Variants in CAMK2D observed in about 807,000 individuals in gnomAD.
CAMK2D encodes calcium/calmodulin-dependent protein kinase type II subunit delta.
In CAMK2D, 37 loss-of-function variants were observed where a neutral mutation model predicts 84.0. The observed-to-expected ratio is 0.44, with a 90% CI of 0.34 to 0.58. The LOEUF is 0.58. Ranked by LOEUF, CAMK2D falls within the 20% of genes least tolerant of loss-of-function variation. The pLI, the probability that CAMK2D is intolerant of heterozygous loss-of-function variation, is 0.02. For missense variants in CAMK2D, 448 were observed against 652.5 expected (o/e 0.69, Z 3.41); for synonymous variants, 202 against 212.5 (o/e 0.95, Z 0.43).
At chr4:113,621,229 T>A (rs1254859445) in intron 3 of CAMK2D, among the ~76,000 whole-genome samples, 2 of 151,598 alleles carry the variant, frequency 1.3e-5, no homozygotes, top group African/African-American at 4.9e-5. Context: ...ATTCACTCAT[T>A]ATATAAAGAT....
At chr4:113,594,197 G>A (rs911565758) in intron 4 of CAMK2D, among the ~76,000 whole-genome samples, 1 of 152,146 alleles carries the variant, frequency 6.6e-6, no homozygotes, top group Non-Finnish European at 1.5e-5. Context: ...TCCTTATCAC[G>A]AGGACAGTAC....
At chr4:113,688,910 C>CAAAAAAAAAAAAAAAAAAAAAAAAAAA (rs34196728) in intron 2 of CAMK2D, among the ~76,000 whole-genome samples, 1 of 49,722 alleles carries the variant, frequency 2.0e-5, no homozygotes, top group African/African-American at 7.6e-5. Context: ...AAAGAAGATG[C>CAAAAAAAAAAAAAAAAAAAAAAAAAAA]AAAAAAAAAA....
intron 16 of CAMK2D, among the ~76,000 whole-genome samples, chr4:113,478,839 A>T (rs559625046): frequency 4.6e-5 from 7 of 152,268 alleles, no homozygotes; most frequent in African/African-American, 1.4e-4. Flanking sequence ...CCTAATTCAA[A>T]TTGTACAATT....
chr4:113,462,314 G>GTCTA (rs1589695300), intron 17 of CAMK2D, among the ~76,000 whole-genome samples: 6 of 105,472 alleles, frequency 5.7e-5, no homozygotes, highest in East Asian at 2.2e-4. Flanking sequence ...CTGTCTGTCT[G>GTCTA]TCTGTCTGTC....
chr4:113,508,140 C>A, intron 13 of CAMK2D: 2 of 841,658 alleles, frequency 2.4e-6, no homozygotes, highest in Non-Finnish European at 2.0e-6. Context: ...TGGTCCTACA[C>A]CCTCTCCACT....
intron 4 of CAMK2D, among the ~76,000 whole-genome samples, chr4:113,599,783 T>C (rs1363255680): frequency 6.6e-6 from 1 of 151,884 alleles, no homozygotes; most frequent in Non-Finnish European, 1.5e-5. Context: ...ACTAAGAAAA[T>C]CCTAAGGAAG....
rs115203826 is a variant in CAMK2D at position 113,679,357 on chromosome 4, T to C, written c.161-17585A>G. ...ACACGTATGTCAAAATTTAGACTCT[T>C]ATCCTCTTCTCTACTAACACATGCG... On this transcript the variant is annotated intron_variant, in intron 2 of 20. Transcript: ENST00000511664. The C allele has an allele frequency of 2.8e-3, 1,386 of 494,580 alleles. 15 individuals are homozygous for C. The highest frequency in any genetic ancestry group is 0.028 in the African/African-American group (1,327 of 47,854). The allele number at this position is 494,580 out of a possible 1,614,324, so 30.6% of individuals were successfully genotyped here.
rs145397687 is a variant in CAMK2D at position 113,704,297 on chromosome 4, C to T, written c.161-42525G>A. Reference sequence around the variant, plus strand: ...TAATCTGCAATTTTTTTTCCTTGTGCCTACTGAAATGTCATTATTATAAGC... The same window carrying T: ...TAATCTGCAATTTTTTTTCCTTGTGTCTACTGAAATGTCATTATTATAAGC... On this transcript the variant is annotated intron_variant, in intron 2 of 20. Transcript: ENST00000511664. Among the ~76,000 whole-genome samples the T allele has an allele frequency of 7.5e-3, 1,142 of 151,876 alleles. 15 individuals are homozygous for T. The highest frequency in any genetic ancestry group is 0.026 in the African/African-American group (1,066 of 41,440).
intron 2 of CAMK2D, among the ~76,000 whole-genome samples, chr4:113,738,528 A>G (rs2099586248): frequency 6.6e-6 from 1 of 152,138 alleles, no homozygotes; most frequent in African/African-American, 2.4e-5. Flanking sequence ...GTGAATGCAA[A>G]AAAATATTTT....
intron 8 of CAMK2D, among the ~76,000 whole-genome samples, chr4:113,518,997 G>T (rs1467492905): frequency 2.6e-5 from 4 of 151,782 alleles, no homozygotes; most frequent in Non-Finnish European, 5.9e-5. Context: ...CAGTATATTG[G>T]TACCTCACCT....
At chr4:113,505,893 A>G (rs2098121842) in intron 13 of CAMK2D, among the ~76,000 whole-genome samples, 2 of 152,152 alleles carry the variant, frequency 1.3e-5, no homozygotes, top group Admixed American at 1.3e-4. Context: ...AGAAACTACA[A>G]CTGAGTCGGG....
chr4:113,692,779 C>G (rs533378524), intron 2 of CAMK2D, among the ~76,000 whole-genome samples: 2 of 151,048 alleles, frequency 1.3e-5, no homozygotes, highest in South Asian at 4.2e-4. Flanking sequence ...GTGTATATAT[C>G]TGTGTGTGTG....
chr4:113,488,155 T>C (rs915356542), intron 16 of CAMK2D, among the ~76,000 whole-genome samples: 1 of 152,086 alleles, frequency 6.6e-6, no homozygotes, highest in African/African-American at 2.4e-5. Context: ...ATTTAGTAGC[T>C]TATTAAATTG....
intron 3 of CAMK2D, among the ~76,000 whole-genome samples, chr4:113,613,961 T>C (rs2154270157): frequency 6.6e-6 from 1 of 151,712 alleles, no homozygotes; most frequent in East Asian, 1.9e-4. Context: ...AGTAGGAAAA[T>C]TAAACTCCAA....
intron 3 of CAMK2D, among the ~76,000 whole-genome samples, chr4:113,625,958 G>A (rs975601849): frequency 2.6e-5 from 4 of 151,616 alleles, no homozygotes; most frequent in Non-Finnish European, 5.9e-5. Context: ...AGGTTGTAGT[G>A]AGCCAAGATT....
chr4:113,559,647 G>T (rs1395165373), intron 4 of CAMK2D, among the ~76,000 whole-genome samples: 5 of 152,230 alleles, frequency 3.3e-5, no homozygotes, highest in African/African-American at 1.2e-4. Flanking sequence ...CAAGGCAACT[G>T]CCTTTGACTG....
At chr4:113,572,449 A>G (rs551559685) in intron 4 of CAMK2D, among the ~76,000 whole-genome samples, 3 of 147,032 alleles carry the variant, frequency 2.0e-5, no homozygotes, top group East Asian at 2.0e-4. Flanking sequence ...ATTTTTATTT[A>G]AAAAAAAAAA....
intron 4 of CAMK2D, among the ~76,000 whole-genome samples, chr4:113,562,005 C>T (rs145915828): frequency 1.3e-5 from 2 of 152,184 alleles, no homozygotes; most frequent in African/African-American, 4.8e-5. Flanking sequence ...AGCATACACG[C>T]CCACTTAGTA....
intron 2 of CAMK2D, among the ~76,000 whole-genome samples, chr4:113,663,716 AT>A: frequency 6.6e-6 from 1 of 151,048 alleles, no homozygotes; most frequent in African/African-American, 2.4e-5. Context: ...TGATTTTTTT[AT>A]ATATATAAAT....
Sources: gnomAD v4.1 joint callset for allele counts (sites outside exome capture counted in the v4.1 genomes callset) on GRCh38, gnomAD v4.1.1 for gene constraint, MANE v1.5 for transcripts, NCBI Gene and HGNC (gene_info 2026-07-23, HGNC 2026-07-21) for gene names.